Variants in CAMK1D observed in about 807,000 individuals in gnomAD.
CAMK1D encodes calcium/calmodulin dependent protein kinase ID, also known as calcium/calmodulin-dependent protein kinase type 1D.
CAMK1D carries 9 observed loss-of-function variants against 47.7 expected under a neutral mutation model. That is an observed-to-expected ratio of 0.19 (90% CI 0.11 to 0.33). The LOEUF (loss-of-function observed/expected upper bound fraction) is 0.33. Among genes scored for constraint, CAMK1D ranks in the 10% least tolerant of loss-of-function variants. The pLI, the probability that CAMK1D is intolerant of heterozygous loss-of-function variation, is 1.00. For synonymous variants in CAMK1D, 184 were observed against 184.9 expected (o/e 0.99, Z 0.04); for missense variants, 291 against 488.7 (o/e 0.60, Z 3.81).
rs1016671203 is a variant in CAMK1D at position 12,402,379 on chromosome 10, G to C, written c.92+52469G>C. Among the ~76,000 whole-genome samples the C allele has an allele frequency of 8.6e-5, 13 of 151,728 alleles. No homozygotes were observed. The South Asian group carries it at 2.5e-3, about 29-fold the overall frequency. ...CTACTGGGTAGCTGGGACCACAGGCGGGCACCACCATGCCCAGCTAATTTT... is the reference window on the plus strand; with the variant it reads ...CTACTGGGTAGCTGGGACCACAGGCCGGCACCACCATGCCCAGCTAATTTT... On this transcript the variant is annotated intron_variant, in intron 1 of 10. Transcript: ENST00000619168.
At chr10:12,535,768 T>C (rs1305460016) in intron 1 of CAMK1D, among the ~76,000 whole-genome samples, 1 of 152,214 alleles carries the variant, frequency 6.6e-6, no homozygotes, top group African/African-American at 2.4e-5. Context: ...TGAATAGTTT[T>C]GTGGTAGGGT....
intron 6 of CAMK1D, among the ~76,000 whole-genome samples, chr10:12,812,035 G>A (rs879309010): frequency 5.9e-5 from 9 of 152,172 alleles, no homozygotes; most frequent in Non-Finnish European, 7.3e-5. Context: ...TGATTCTTAC[G>A]GGCCCACAGA....
chr10:12,599,614 A>G (rs1377932709), intron 2 of CAMK1D, among the ~76,000 whole-genome samples: 1 of 152,216 alleles, frequency 6.6e-6, no homozygotes, highest in Admixed American at 6.5e-5. Context: ...GAAAGAGAGC[A>G]ACGTGAACAC....
At chr10:12,372,782 C>G (rs963651003) in intron 1 of CAMK1D, among the ~76,000 whole-genome samples, 2 of 147,264 alleles carry the variant, frequency 1.4e-5, no homozygotes, top group African/African-American at 4.9e-5. Flanking sequence ...GCACATGCCA[C>G]CAGGCTCAGC....
chr10:12,458,725 G>A (rs973149036), intron 1 of CAMK1D, among the ~76,000 whole-genome samples: 3 of 152,074 alleles, frequency 2.0e-5, no homozygotes, highest in African/African-American at 4.8e-5. Context: ...GAGTCACTGC[G>A]CCTGGCCCTT....
At chr10:12,795,647 G>A (rs74118618) in intron 6 of CAMK1D, among the ~76,000 whole-genome samples, 7,204 of 152,272 alleles carry the variant, frequency 0.047, 567 homozygotes, top group African/African-American at 0.16. Context: ...GTGACAAGCC[G>A]TGGCACCGAG....
intron 2 of CAMK1D, among the ~76,000 whole-genome samples, chr10:12,664,232 T>G (rs1840359491): frequency 6.6e-6 from 1 of 152,236 alleles, no homozygotes; most frequent in Non-Finnish European, 1.5e-5. Flanking sequence ...TTTTTATTTT[T>G]CTTTTCTTCC....
In CAMK1D at chr10:12,777,363, CTTTTTTTTTT is replaced by C. The variant is rs869192068; in HGVS notation, c.565+7581_565+7590del. On this transcript the variant is annotated intron_variant, in intron 5 of 10. Coordinates refer to ENST00000619168, the MANE Select transcript of CAMK1D (RefSeq NM_153498.4). ...CAAGTAAGATGAGGATTTGGTTGAACTTTTTTTTTTTTTTTTTTTTTTTTTTGAGACGGAG... is the reference window on the plus strand; with the variant it reads ...CAAGTAAGATGAGGATTTGGTTGAACTTTTTTTTTTTTTTTTGAGACGGAG... Among the ~76,000 whole-genome samples, 26 of 88,558 alleles carry C rather than the reference CTTTTTTTTTT, an allele frequency of 2.9e-4. No individual in the cohort carries two copies. The South Asian group carries it at 9.6e-3, about 33-fold the overall frequency. 58.1% of individuals were successfully genotyped at this position (88,558 alleles called of 152,430 possible). A position where few individuals can be genotyped will look rare whatever the true frequency, so the allele number is the denominator to read the frequency against.
chr10:12,427,069 C>G (rs1352504186), intron 1 of CAMK1D, among the ~76,000 whole-genome samples: 3 of 151,548 alleles, frequency 2.0e-5, no homozygotes, highest in Non-Finnish European at 4.4e-5. Flanking sequence ...AGACTGGTCT[C>G]GAACTCCTGG....
intron 3 of CAMK1D, among the ~76,000 whole-genome samples, chr10:12,742,506 C>T (rs1362005261): frequency 1.3e-5 from 2 of 152,170 alleles, no homozygotes; most frequent in Non-Finnish European, 2.9e-5. Flanking sequence ...GTAAATTGGC[C>T]GAGTTGTGCA....
intron 3 of CAMK1D, among the ~76,000 whole-genome samples, chr10:12,686,644 C>G (rs1832677142): frequency 2.0e-5 from 3 of 152,008 alleles, no homozygotes; most frequent in African/African-American, 7.2e-5. Context: ...TTATTTATGG[C>G]TTAAAACAGA....
chr10:12,771,753 G>A (rs954180963), intron 5 of CAMK1D, among the ~76,000 whole-genome samples: 6 of 152,284 alleles, frequency 3.9e-5, no homozygotes, highest in African/African-American at 1.4e-4. Flanking sequence ...CCAGTGCATG[G>A]CCAGGTGCAG....
intron 1 of CAMK1D, among the ~76,000 whole-genome samples, chr10:12,465,742 C>A (rs1309595198): frequency 6.6e-6 from 1 of 152,110 alleles, no homozygotes; most frequent in African/African-American, 2.4e-5. Context: ...ATTTAATCAC[C>A]CCTTTGGTGC....
At chr10:12,651,115 C>T (rs1435926923) in intron 2 of CAMK1D, among the ~76,000 whole-genome samples, 1 of 152,158 alleles carries the variant, frequency 6.6e-6, no homozygotes, top group Non-Finnish European at 1.5e-5. Context: ...TTCTTTACCC[C>T]TCCACTGTTT....
chr10:12,672,971 A>C (rs557359575), intron 3 of CAMK1D, among the ~76,000 whole-genome samples: 15 of 137,992 alleles, frequency 1.1e-4, no homozygotes, highest in African/African-American at 4.2e-4. Context: ...ATATTGGCTC[A>C]CTGCAACTTC....
intron 1 of CAMK1D, among the ~76,000 whole-genome samples, chr10:12,370,256 C>T (rs1385738264): frequency 1.3e-5 from 2 of 152,112 alleles, no homozygotes; most frequent in Admixed American, 1.3e-4. Flanking sequence ...GGTCAACAGA[C>T]CTGTTACACT....
chr10:12,648,467 T>G (rs2132504092), intron 2 of CAMK1D, among the ~76,000 whole-genome samples: 1 of 152,320 alleles, frequency 6.6e-6, no homozygotes, highest in Non-Finnish European at 1.5e-5. Context: ...ATTTATTTAT[T>G]TATTTACTTA....
At chr10:12,461,172 C>A (rs1243581539) in intron 1 of CAMK1D, among the ~76,000 whole-genome samples, 1 of 152,136 alleles carries the variant, frequency 6.6e-6, no homozygotes, top group Non-Finnish European at 1.5e-5. Context: ...CCTGCCAGAG[C>A]AGGTTTGATT....
intron 1 of CAMK1D, among the ~76,000 whole-genome samples, chr10:12,381,193 C>T (rs894579495): frequency 1.3e-5 from 2 of 152,192 alleles, no homozygotes; most frequent in African/African-American, 2.4e-5. Context: ...CAGCGGGCCC[C>T]GCCCCTTATA....
Sources: gnomAD v4.1 joint callset for allele counts (sites outside exome capture counted in the v4.1 genomes callset) on GRCh38, gnomAD v4.1.1 for gene constraint, MANE v1.5 for transcripts, NCBI Gene and HGNC (gene_info 2026-07-23, HGNC 2026-07-21) for gene names.